PUDP: variants seen among roughly 807,000 people sequenced by gnomAD.
The protein encoded by PUDP is pseudouridine 5'-phosphatase.
A neutral mutation model predicts 9.4 loss-of-function variants in PUDP; 8 were observed. The observed-to-expected ratio is 0.85, with a 90% CI of 0.50 to 1.53. The LOEUF is 1.53. Ranked by LOEUF, PUDP falls within the 40% of genes most tolerant of loss-of-function variation. The pLI is 0.00. For missense variants in PUDP, 188 were observed against 189.7 expected (o/e 0.99, Z 0.05); for synonymous variants, 99 against 80.7 (o/e 1.23, Z -1.22).
intron 1 of PUDP, among the ~76,000 whole-genome samples, chrX:7,036,025 C>T (rs745993852): frequency 8.9e-6 from 1 of 112,158 alleles, no homozygotes; most frequent in Non-Finnish European, 1.9e-5. Flanking sequence ...AATCTCTGCA[C>T]ATGCTGGCTT....
At chrX:6,979,335 G>A (rs1165606023) in intron 1 of PUDP, among the ~76,000 whole-genome samples, 1 of 111,319 alleles carries the variant, frequency 9.0e-6, no homozygotes, top group Non-Finnish European at 1.9e-5. Context: ...CACATCTGAA[G>A]GACACTTAGA....
intron 3 of PUDP, among the ~76,000 whole-genome samples, chrX:6,771,248 T>C (rs1413735693): frequency 2.7e-5 from 3 of 111,858 alleles, no homozygotes; most frequent in Non-Finnish European, 5.6e-5. Context: ...ACCCATTTAA[T>C]AGATCTACTT....
chrX:6,867,674 ATGG>A (rs1569113680), intron 3 of PUDP, among the ~76,000 whole-genome samples: 3 of 109,633 alleles, frequency 2.7e-5, no homozygotes, highest in African/African-American at 1.0e-4. Flanking sequence ...AGTGGTCATA[ATGG>A]TGGTGGTGGT....
intron 2 of PUDP, among the ~76,000 whole-genome samples, chrX:7,101,264 A>C (rs1257684997): frequency 8.9e-6 from 1 of 111,788 alleles, no homozygotes; most frequent in African/African-American, 3.3e-5. Context: ...CACAAATCAT[A>C]TGCCAAAAAA....
intron 3 of PUDP, among the ~76,000 whole-genome samples, chrX:6,967,758 C>T (rs1928808464): frequency 8.9e-6 from 1 of 111,752 alleles, no homozygotes; most frequent in Non-Finnish European, 1.9e-5. Context: ...GAAACCAGAA[C>T]CCTTCTCTCC....
At position 7,050,408 on chromosome X, in the gene PUDP, A is replaced by T. The variant is rs749169986; in HGVS notation, c.575T>A (p.Val192Asp). ...GCTCAAGTTTCCGTCAGGAACCATG[A>T]CCACCTGCATCCCAGCTGCCAGGGC... ...EAALAAGMQVVMVPDGNLSRD... is the reference protein window; with the variant it reads ...EAALAAGMQVDMVPDGNLSRD... Residue 192 changes from valine to aspartate, a missense_variant, in exon 4 of 4, where the codon GTC becomes GAC. By Grantham distance (152) the Val-to-Asp change is radical. Transcript: ENST00000381077. 1 of 1,211,132 alleles carries T rather than the reference A, an allele frequency of 8.3e-7. No individual in the cohort carries two copies.
chrX:6,786,598 CT>C (rs2146686630), intron 3 of PUDP, among the ~76,000 whole-genome samples: 1 of 111,870 alleles, frequency 8.9e-6, no homozygotes, highest in Admixed American at 9.5e-5. Flanking sequence ...TCTATGCTAC[CT>C]TGAGTCTTTG....
At chrX:7,108,823 G>A (rs1455321018) in intron 1 of PUDP, among the ~76,000 whole-genome samples, 1 of 111,923 alleles carries the variant, frequency 8.9e-6, no homozygotes, top group African/African-American at 3.3e-5. Context: ...CCAGTGTTGG[G>A]ATTAAGGCAT....
At chrX:6,960,869 C>A (rs891348550) in intron 3 of PUDP, among the ~76,000 whole-genome samples, 5 of 111,122 alleles carry the variant, frequency 4.5e-5, no homozygotes, top group African/African-American at 1.6e-4. Context: ...ACCATATGAT[C>A]CATGGAACAG....
chrX:7,128,662 A>C (rs1179996162), intron 1 of PUDP, among the ~76,000 whole-genome samples: 1 of 111,878 alleles, frequency 8.9e-6, no homozygotes, highest in African/African-American at 3.3e-5. Flanking sequence ...GGTCAGGGAC[A>C]TTCGGAACCT....
chrX:7,140,748 A>G (rs1403489850), intron 1 of PUDP, among the ~76,000 whole-genome samples: 1 of 112,049 alleles, frequency 8.9e-6, no homozygotes, highest in Non-Finnish European at 1.9e-5. Context: ...ATTGTGCTTC[A>G]TAGATTGTAG....
chrX:7,102,613 T>A (rs1195889721), intron 2 of PUDP, among the ~76,000 whole-genome samples: 1 of 109,206 alleles, frequency 9.2e-6, no homozygotes, highest in Non-Finnish European at 1.9e-5. Context: ...ACAAAAGGCA[T>A]CCAAACTGGA....
chrX:6,754,262 C>T (rs1274505848), intron 3 of PUDP, among the ~76,000 whole-genome samples: 1 of 111,116 alleles, frequency 9.0e-6, no homozygotes, highest in Non-Finnish European at 1.9e-5. Context: ...TTATAAAAGG[C>T]TTTTCCCCAA....
intron 3 of PUDP, among the ~76,000 whole-genome samples, chrX:6,804,578 C>T (rs1926018546): frequency 9.0e-6 from 1 of 111,406 alleles, no homozygotes; most frequent in South Asian, 3.8e-4. Flanking sequence ...CTTTATGGTG[C>T]CGTGTAGAGG....
chrX:7,058,986 T>C (rs1487161241), intron 3 of PUDP, among the ~76,000 whole-genome samples: 1 of 111,622 alleles, frequency 9.0e-6, no homozygotes, highest in Non-Finnish European at 1.9e-5. Context: ...ACTGAATCGA[T>C]AGTGCTCTGA....
At chrX:6,803,675 G>A (rs1204829258) in intron 3 of PUDP, among the ~76,000 whole-genome samples, 3 of 112,028 alleles carry the variant, frequency 2.7e-5, no homozygotes, top group Non-Finnish European at 5.6e-5. Context: ...ACATATCTCC[G>A]AGTTCGACGC....
chrX:7,089,425 T>C (rs1931360399), intron 2 of PUDP, among the ~76,000 whole-genome samples: 1 of 110,980 alleles, frequency 9.0e-6, no homozygotes, highest in African/African-American at 3.3e-5. Flanking sequence ...AGATCTGAAG[T>C]CTCTCTGGCT....
At position 6,747,621 on chromosome X, in the gene PUDP, C is replaced by A. The variant is rs190752998; in HGVS notation, c.*248-41155G>T. Among the ~76,000 whole-genome samples, 226 of 111,645 alleles carry A rather than the reference C, an allele frequency of 2.0e-3. 1 individual carries two copies. Among genetic ancestry groups the A allele is most frequent in the African/African-American group, 6.8e-3 (210 of 30,730 alleles). On this transcript the variant is annotated intron_variant and NMD_transcript_variant, in intron 3 of 3. Transcript: ENST00000655425. ...ATCTTTGAAGTACTTATGAAAATGC[C>A]CCAGTGGGAATAATTTTACGGGATC... is the stretch of plus-strand genomic sequence containing the variant.
intron 3 of PUDP, among the ~76,000 whole-genome samples, chrX:7,065,719 C>T (rs765982701): frequency 6.3e-4 from 70 of 111,958 alleles, no homozygotes; most frequent in African/African-American, 2.1e-3. Flanking sequence ...GGAGAGTTCA[C>T]GGGCTTTATT....
Sources: allele counts gnomAD v4.1 joint callset (sites outside exome capture counted in the v4.1 genomes callset), GRCh38; gene constraint gnomAD v4.1.1; transcripts MANE v1.5; gene names NCBI Gene and HGNC (gene_info 2026-07-23, HGNC 2026-07-21).